Variants in NCOA1 observed in about 807,000 individuals in gnomAD.
NCOA1 encodes Hin-2 protein.
A neutral mutation model predicts 150.9 loss-of-function variants in NCOA1; 35 were observed. The observed-to-expected ratio is 0.23, with a 90% CI of 0.18 to 0.31. The LOEUF is 0.31. Ranked by LOEUF, NCOA1 falls within the 10% of genes least tolerant of loss-of-function variation. NCOA1 has a pLI of 1.00. For synonymous variants in NCOA1, 590 were observed against 630.0 expected, an observed-to-expected ratio of 0.94 and a Z score of 0.95; for missense variants, 1,491 against 1,749.3, an observed-to-expected ratio of 0.85 and a Z score of 2.63.
chr2:24,691,683 A>C, intron 9 of NCOA1, 23 bp downstream of exon 9: 1 of 1,604,522 alleles, frequency 6.2e-7, no homozygotes, highest in Non-Finnish European at 8.5e-7. Context: ...GGTCTTTTTA[A>C]AGTGTTTATT....
chr2:24,651,415 C>T (rs576805481), intron 4 of NCOA1, among the ~76,000 whole-genome samples: 1 of 152,114 alleles, frequency 6.6e-6, no homozygotes, highest in South Asian at 2.1e-4. Context: ...ATAGGTGAGC[C>T]TGGAGGACAT....
At chr2:24,732,828 A>G (rs1230505901) in intron 17 of NCOA1, among the ~76,000 whole-genome samples, 1 of 152,122 alleles carries the variant, frequency 6.6e-6, no homozygotes, top group Non-Finnish European at 1.5e-5. Context: ...AGCAGAAGAA[A>G]AGGGACTGTT....
At chr2:24,678,355 G>GTTCATCATAAATATGTTCAT in intron 7 of NCOA1, among the ~76,000 whole-genome samples, 1 of 152,220 alleles carries the variant, frequency 6.6e-6, no homozygotes, top group Middle Eastern at 3.4e-3. Context: ...ACATACATGT[G>GTTCATCATAAATATGTTCAT]CATGTATCTT....
intron 3 of NCOA1, among the ~76,000 whole-genome samples, chr2:24,639,924 A>G (rs28860272): frequency 0.051 from 580 of 11,372 alleles, 48 homozygotes; most frequent in African/African-American, 0.084. Context: ...GTGTATATAT[A>G]TATATATATA....
rs1672967579 is a variant in NCOA1, at chr2:24,697,810, T to C, written c.949+12T>C. On this transcript the variant is annotated intron_variant, in intron 11 of 22. Transcript: ENST00000348332. ...GCTGTTCCAAGAAGGTAAAATTTTC[T>C]CTCTCAATTATTTTCATTAACCCTT... is the stretch of plus-strand genomic sequence containing the variant. The C allele has an allele frequency of 1.2e-6, 2 of 1,609,556 alleles. No individual in the cohort carries two copies. The highest frequency in any genetic ancestry group is 1.7e-6 in the Non-Finnish European group (2 of 1,176,484).
At chr2:24,752,721 A>G (rs1664312061) in intron 20 of NCOA1, among the ~76,000 whole-genome samples, 1 of 152,212 alleles carries the variant, frequency 6.6e-6, no homozygotes, top group South Asian at 2.1e-4. Context: ...TCAGAATTCA[A>G]TAGAGCTGAG....
chr2:24,729,827 TG>T lies in NCOA1; in HGVS notation c.3201+13del. ...AGGGACAACAGCAGGTAAGTGCTCT[TG>T]TTTAGCAGTTGATACTTTTTTTTTT... On this transcript the variant is annotated intron_variant, in intron 17 of 22. Transcript: ENST00000348332. 7.5e-6 allele frequency: 12 copies of T among 1,597,408 alleles called. No individual in the cohort carries two copies. Among genetic ancestry groups the T allele is most frequent in the Non-Finnish European group, 1.0e-5 (12 of 1,172,958 alleles).
chr2:24,554,096 G>C (rs1572412937), intron 1 of NCOA1, among the ~76,000 whole-genome samples: 1 of 151,690 alleles, frequency 6.6e-6, no homozygotes, highest in Non-Finnish European at 1.5e-5. Flanking sequence ...CTCTTTTTTT[G>C]ATCACTCTGG....
intron 1 of NCOA1, among the ~76,000 whole-genome samples, chr2:24,495,105 T>G (rs969998719): frequency 2.7e-5 from 4 of 150,498 alleles, no homozygotes; most frequent in South Asian, 2.1e-4. Flanking sequence ...TTTTTTTTGT[T>G]TTTTTTTTTT....
At chr2:24,725,500 T>G (rs1369215523) in intron 14 of NCOA1, among the ~76,000 whole-genome samples, 1 of 152,170 alleles carries the variant, frequency 6.6e-6, no homozygotes, top group Non-Finnish European at 1.5e-5. Flanking sequence ...AAGACCCATT[T>G]TGTCTTAGTT....
intron 1 of NCOA1, among the ~76,000 whole-genome samples, chr2:24,527,832 A>G (rs960955920): frequency 6.6e-6 from 1 of 152,166 alleles, no homozygotes; most frequent in Non-Finnish European, 1.5e-5. Flanking sequence ...AACACTTGTT[A>G]TCTCTTTCCT....
chr2:24,614,797 A>G (rs1356414074), intron 3 of NCOA1, among the ~76,000 whole-genome samples: 1 of 152,240 alleles, frequency 6.6e-6, no homozygotes, highest in African/African-American at 2.4e-5. Context: ...TTAGATAATT[A>G]AATAATAACA....
intron 2 of NCOA1, among the ~76,000 whole-genome samples, chr2:24,569,422 T>A (rs2148275744): frequency 6.6e-6 from 1 of 152,288 alleles, no homozygotes; most frequent in South Asian, 2.1e-4. Flanking sequence ...CTTACAACTT[T>A]ATATTCATGA....
chr2:24,693,053 A>G (rs1223842271), intron 9 of NCOA1, among the ~76,000 whole-genome samples, 199 bp from the exon 10 acceptor site: 1 of 152,160 alleles, frequency 6.6e-6, no homozygotes, highest in Admixed American at 6.5e-5. Context: ...TAGTAGATAC[A>G]GGGTTTCACC....
intron 1 of NCOA1, among the ~76,000 whole-genome samples, chr2:24,531,649 C>T (rs1388435180): frequency 1.3e-5 from 2 of 152,086 alleles, no homozygotes; most frequent in African/African-American, 4.8e-5. Context: ...ATGTGTCCTG[C>T]CCTGTGTCCA....
chr2:24,626,829 A>G (rs1018839282), intron 3 of NCOA1, among the ~76,000 whole-genome samples: 1 of 152,126 alleles, frequency 6.6e-6, no homozygotes, highest in Non-Finnish European at 1.5e-5. Context: ...AACTCTTCTT[A>G]ATCACTATTC....
intron 14 of NCOA1, among the ~76,000 whole-genome samples, chr2:24,714,560 T>C (rs2148611432): frequency 6.7e-6 from 1 of 150,358 alleles, no homozygotes; most frequent in East Asian, 1.9e-4. Flanking sequence ...AAATGAAAAA[T>C]TTGTTGGAGG....
At chr2:24,607,959 C>G (rs1483316047) in intron 3 of NCOA1, among the ~76,000 whole-genome samples, 2 of 151,964 alleles carry the variant, frequency 1.3e-5, no homozygotes, top group African/African-American at 4.8e-5. Flanking sequence ...ACTTTTAAGG[C>G]TGGACAATCT....
Position 24,638,246 on chromosome 2 carries a change from T to G in NCOA1, c.-174-5720T>G, listed in dbSNP as rs145472460. 4.0e-5 allele frequency among the ~76,000 whole-genome samples: 6 copies of G among 151,458 alleles called. No homozygotes were observed. The East Asian group carries it at 1.2e-3, about 29-fold the overall frequency. On this transcript the variant is annotated intron_variant, in intron 3 of 22. Coordinates refer to ENST00000348332, the MANE Select transcript of NCOA1 (RefSeq NM_003743.5). ...AGTGAGAACATGTGATGTTTAATTTTCTGTTCCTGGCTTATTTCACTTAAT... is the reference window on the plus strand; with the variant it reads ...AGTGAGAACATGTGATGTTTAATTTGCTGTTCCTGGCTTATTTCACTTAAT...
Sources: gnomAD v4.1 joint callset for allele counts (sites outside exome capture counted in the v4.1 genomes callset) on GRCh38, gnomAD v4.1.1 for gene constraint, MANE v1.5 for transcripts, NCBI Gene and HGNC (gene_info 2026-07-23, HGNC 2026-07-21) for gene names.